The following SLC9A2 variants were observed in gnomAD, a reference collection of about 807,000 sequenced individuals.
The protein encoded by SLC9A2 is solute carrier family 9 member A2, also known as sodium/hydrogen exchanger 2.
In SLC9A2, 42 loss-of-function variants were observed where a neutral mutation model predicts 71.7. The ratio of observed to expected loss-of-function variants is 0.59; its 90% CI spans 0.46 to 0.76. SLC9A2 has a LOEUF of 0.76. Among genes scored for constraint, SLC9A2 ranks in the 30% least tolerant of loss-of-function variants. The pLI is 0.00. For missense variants in SLC9A2, 829 were observed against 1,017.4 expected (o/e 0.81, Z 2.52); for synonymous variants, 396 against 392.5 (o/e 1.01, Z -0.10).
chr2:102,658,569 C>T lies in SLC9A2; in HGVS notation c.753+542C>T, dbSNP rs182346575. Among the ~76,000 whole-genome samples the T allele has an allele frequency of 1.1e-4, 17 of 151,432 alleles. No homozygotes were observed. In the East Asian group the frequency reaches 1.6e-3, roughly 14 times the overall value. On this transcript the variant is annotated intron_variant, in intron 2 of 11. Coordinates refer to ENST00000233969, the MANE Select transcript of SLC9A2 (RefSeq NM_003048.6). ...GATTTTACGGAAAGTTTTTGTCACA[C>T]GCTCACTGCTCACTTTCTGTTACTA...
intron 1 of SLC9A2, among the ~76,000 whole-genome samples, chr2:102,625,403 G>A (rs1392496200): frequency 2.1e-4 from 32 of 152,026 alleles, no homozygotes; most frequent in Non-Finnish European, 5.9e-5. Context: ...CATGTGCCAT[G>A]TTGGTGTGCT....
rs368237885 is a variant in SLC9A2 at position 102,705,232 on chromosome 2, G to GAT, written c.1977+562_1977+563dup. 5.3e-3 allele frequency among the ~76,000 whole-genome samples: 807 copies of GAT among 151,974 alleles called. 12 individuals are homozygous for GAT. The highest frequency in any genetic ancestry group is 0.018 in the African/African-American group (761 of 41,416). ...ATAATAACAATAATAATAATATTGT[G>GAT]ATATATTGGTTTCACATAGCAAGAA... On this transcript the variant is annotated intron_variant, in intron 10 of 11. Coordinates refer to ENST00000233969, the MANE Select transcript of SLC9A2 (RefSeq NM_003048.6).
At chr2:102,671,080 T>G (rs1677241915) in intron 3 of SLC9A2, among the ~76,000 whole-genome samples, 1 of 152,180 alleles carries the variant, frequency 6.6e-6, no homozygotes, top group African/African-American at 2.4e-5. Flanking sequence ...TATAAAATGC[T>G]TTCAAACACA....
At chr2:102,691,415 TTTG>T (rs1163419418) in intron 5 of SLC9A2, among the ~76,000 whole-genome samples, 1 of 152,164 alleles carries the variant, frequency 6.6e-6, no homozygotes, top group Admixed American at 6.5e-5. Flanking sequence ...TTTCTTGGTC[TTTG>T]TTGTTTCTTT....
At chr2:102,673,001 A>G (rs1343819707) in intron 3 of SLC9A2, among the ~76,000 whole-genome samples, 1 of 151,860 alleles carries the variant, frequency 6.6e-6, no homozygotes, top group Non-Finnish European at 1.5e-5. Flanking sequence ...AGCTAATGCC[A>G]AAAGATATTG....
intron 5 of SLC9A2, among the ~76,000 whole-genome samples, chr2:102,686,054 G>T (rs920195783): frequency 1.3e-5 from 2 of 152,212 alleles, no homozygotes; most frequent in African/African-American, 2.4e-5. Context: ...AAGATCAGGA[G>T]ATGTGCGTGT....
chr2:102,630,787 G>C (rs1676341184), intron 1 of SLC9A2, among the ~76,000 whole-genome samples: 1 of 151,582 alleles, frequency 6.6e-6, no homozygotes, highest in South Asian at 2.1e-4. Flanking sequence ...TGTTCATGCT[G>C]TTGCATTACG....
Position 102,708,265 on chromosome 2 carries a change from T to G in SLC9A2, c.2215T>G (p.Ser739Ala). 1.9e-6 allele frequency: 3 copies of G among 1,614,146 alleles called. No homozygotes were observed. The highest frequency in any genetic ancestry group is 2.5e-6 in the Non-Finnish European group (3 of 1,180,042). Reference sequence around the variant, plus strand: ...ATGGAAGAATGAGGTAGATGTTGATTCTGGCCGAGATATGCCCAGCACCCC... The same window carrying G: ...ATGGAAGAATGAGGTAGATGTTGATGCTGGCCGAGATATGCCCAGCACCCC... ...MEWKNEVDVDSGRDMPSTPPT... is the reference protein window; with the variant it reads ...MEWKNEVDVDAGRDMPSTPPT... The change falls in exon 12 of 12, where the codon TCT (serine) becomes GCT (alanine). Residue 739 changes from serine to alanine, a missense_variant. Ser to Ala is a moderately conservative substitution (Grantham distance 99). This residue lies in a region of SLC9A2 where 223 missense variants were observed against 197.5 expected (regional missense o/e 1.13). Coordinates refer to ENST00000233969, the MANE Select transcript of SLC9A2 (RefSeq NM_003048.6).
At chr2:102,652,422 T>G (rs187354545) in intron 1 of SLC9A2, among the ~76,000 whole-genome samples, 1 of 152,254 alleles carries the variant, frequency 6.6e-6, no homozygotes, top group African/African-American at 2.4e-5. Context: ...ATGCACCTCT[T>G]TCCCATGGCG....
intron 11 of SLC9A2, among the ~76,000 whole-genome samples, chr2:102,707,689 A>T (rs906530221): frequency 1.3e-5 from 2 of 152,240 alleles, no homozygotes; most frequent in Admixed American, 1.3e-4. Flanking sequence ...ACTGTGTGCC[A>T]GATGCCAGGC....
intron 1 of SLC9A2, among the ~76,000 whole-genome samples, chr2:102,643,910 C>CT (rs11301515): frequency 0.053 from 7,711 of 146,404 alleles, 518 homozygotes; most frequent in Admixed American, 0.19. Flanking sequence ...CATTTTCTTA[C>CT]TTTTTTTTTT....
intron 1 of SLC9A2, among the ~76,000 whole-genome samples, chr2:102,620,788 C>T (rs1676120088): frequency 6.6e-6 from 1 of 152,180 alleles, no homozygotes; most frequent in Non-Finnish European, 1.5e-5. Flanking sequence ...CCTGTAATCC[C>T]AGCACACTGG....
In SLC9A2 at chr2:102,670,467, T is replaced by C. The variant is rs12052726; in HGVS notation, c.1004+5117T>C. ...TAGAAAATGGTGATTAGTTTCATTCTTATGAATAAATAAATCGAGGCCCAG... is the reference window on the plus strand; with the variant it reads ...TAGAAAATGGTGATTAGTTTCATTCCTATGAATAAATAAATCGAGGCCCAG... On this transcript the variant is annotated intron_variant, in intron 3 of 11. Transcript: ENST00000233969. Among the ~76,000 whole-genome samples, 63 of 152,152 alleles carry C rather than the reference T, an allele frequency of 4.1e-4. No homozygotes were observed. In the East Asian group the frequency reaches 0.01, roughly 25 times the overall value.
chr2:102,645,872 A>C (rs1676712720), intron 1 of SLC9A2, among the ~76,000 whole-genome samples: 1 of 152,144 alleles, frequency 6.6e-6, no homozygotes, highest in African/African-American at 2.4e-5. Context: ...AAGGTGGAAA[A>C]CACCCTTCAT....
In SLC9A2 at chr2:102,657,985, C is replaced by T. The variant is rs1676977421; in HGVS notation, c.711C>T (p.Ile237=). 5.6e-6 allele frequency: 9 copies of T among 1,613,342 alleles called. No individual in the cohort carries two copies. Among genetic ancestry groups the T allele is most frequent in the Non-Finnish European group, 7.6e-6 (9 of 1,179,726 alleles). ...ENIHVNEQLY[I]LVFGESLLND... ...TTCACGTCAATGAGCAGCTCTACATCCTGGTCTTTGGAGAGTCCCTGCTGA... is the reference window on the plus strand; with the variant it reads ...TTCACGTCAATGAGCAGCTCTACATTCTGGTCTTTGGAGAGTCCCTGCTGA... Residue 237 remains isoleucine, a synonymous_variant, in exon 2 of 12, where the codon ATC becomes ATT. Coordinates refer to ENST00000233969, the MANE Select transcript of SLC9A2 (RefSeq NM_003048.6).
rs1276418206 is a variant in SLC9A2, at chr2:102,709,323, T to G, written c.*834T>G. On this transcript the variant is annotated 3_prime_UTR_variant, in exon 12 of 12. Coordinates refer to ENST00000233969, the MANE Select transcript of SLC9A2 (RefSeq NM_003048.6). ...GAAGTTCCACCCATGAGGGTCCATG[T>G]GGCAAGTAGGGCCACAGGGCAGCAC... 1 of 152,420 alleles carries G rather than the reference T, an allele frequency of 6.6e-6. No homozygotes were observed. The highest frequency in any genetic ancestry group is 2.4e-5 in the African/African-American group (1 of 41,468). The allele number at this position is 152,420 out of a possible 1,614,324, so 9.4% of individuals were successfully genotyped here.
intron 1 of SLC9A2, among the ~76,000 whole-genome samples, chr2:102,639,900 G>A (rs185596376): frequency 7.2e-5 from 11 of 152,302 alleles, no homozygotes; most frequent in African/African-American, 2.4e-4. Context: ...GAAATGACCG[G>A]TAGTAATAAA....
At position 102,643,257 on chromosome 2, in the gene SLC9A2, C is replaced by T. The variant is rs540209160; in HGVS notation, c.290-14307C>T. 1.6e-4 allele frequency among the ~76,000 whole-genome samples: 25 copies of T among 152,254 alleles called. No homozygotes were observed. In the South Asian group the frequency reaches 3.9e-3, roughly 24 times the overall value. Reference sequence around the variant, plus strand: ...TATCACCCAGCAGAGAAGAAAATCCCTCTTCTGCCCTTTTCCTTCTCTGAC... The same window carrying T: ...TATCACCCAGCAGAGAAGAAAATCCTTCTTCTGCCCTTTTCCTTCTCTGAC... On this transcript the variant is annotated intron_variant, in intron 1 of 11. Transcript: ENST00000233969.
At chr2:102,699,947 T>C (rs1462536702) in intron 7 of SLC9A2, among the ~76,000 whole-genome samples, 1 of 152,138 alleles carries the variant, frequency 6.6e-6, no homozygotes, top group Non-Finnish European at 1.5e-5. Context: ...CCCATTTTGA[T>C]GGCCTCAACT....
Sources: allele counts gnomAD v4.1 joint callset (sites outside exome capture counted in the v4.1 genomes callset), GRCh38; gene constraint gnomAD v4.1.1; regional missense constraint gnomAD v4.1.1; transcripts MANE v1.5; gene names NCBI Gene and HGNC (gene_info 2026-07-23, HGNC 2026-07-21).